The following DPM1 variants were observed in gnomAD, a reference collection of about 807,000 sequenced individuals.
DPM1 encodes the protein dolichol-phosphate mannosyltransferase subunit 1.
Under a neutral mutation model 39.0 loss-of-function variants are expected in DPM1, and 27 were observed. The observed-to-expected ratio is 0.69, with a 90% CI of 0.51 to 0.95. DPM1 has a LOEUF of 0.95. Ranked by LOEUF, DPM1 falls within the 40% of genes least tolerant of loss-of-function variation. DPM1 has a pLI of 0.00. For synonymous variants in DPM1, 124 were observed against 109.0 expected, an observed-to-expected ratio of 1.14 and a Z score of -0.86; for missense variants, 307 against 315.6, an observed-to-expected ratio of 0.97 and a Z score of 0.21.
rs570666437 is a variant in DPM1 at position 50,950,295 on chromosome 20, G to A, written c.262-1633C>T. 2.0e-3 allele frequency among the ~76,000 whole-genome samples: 311 copies of A among 152,236 alleles called. 11 individuals carry two copies. In the South Asian group the frequency reaches 0.062, roughly 31 times the overall value. The stretch of plus-strand genomic sequence containing the variant: ...TTTTAAGTCACAATTTGTATCTATA[G>A]CAAAGTACATCTTGCATAAAGATGG... On this transcript the variant is annotated intron_variant, in intron 2 of 8. Coordinates refer to ENST00000371588, the MANE Select transcript of DPM1 (RefSeq NM_003859.3).
chr20:50,941,593 A>C (rs1398804049), intron 6 of DPM1, among the ~76,000 whole-genome samples: 1 of 151,770 alleles, frequency 6.6e-6, no homozygotes, highest in Non-Finnish European at 1.5e-5. Context: ...CCACAGTCCC[A>C]GCTACTCGGG....
At chr20:50,948,953 T>A (rs562091210) in intron 2 of DPM1, among the ~76,000 whole-genome samples, 1 of 152,110 alleles carries the variant, frequency 6.6e-6, no homozygotes, top group East Asian at 1.9e-4. Flanking sequence ...CTCTGCCTCC[T>A]GGGTTAAAGT....
chr20:50,941,863 C>T (rs1022727365), intron 6 of DPM1, among the ~76,000 whole-genome samples, 168 bp downstream of exon 6: 1 of 152,110 alleles, frequency 6.6e-6, no homozygotes, highest in Admixed American at 6.6e-5. Context: ...TAAAAAACAT[C>T]CAGGCTCTAA....
intron 2 of DPM1, 152 bp from the exon 3 acceptor site, chr20:50,948,814 A>G (rs982342781): frequency 1.3e-6 from 1 of 742,020 alleles, no homozygotes; most frequent in Non-Finnish European, 2.2e-6. Flanking sequence ...TTTTTTGCCA[A>G]AAGAAAAAAA....
intron 1 of DPM1, among the ~76,000 whole-genome samples, chr20:50,957,740 G>A (rs923040791): frequency 1.3e-5 from 2 of 152,166 alleles, no homozygotes; most frequent in African/African-American, 2.4e-5. Flanking sequence ...CGTAAAACAA[G>A]TTACTTCGTA....
chr20:50,940,086 T>TTGTGTGTGTG (rs11469059), intron 7 of DPM1, among the ~76,000 whole-genome samples: 1,598 of 146,592 alleles, frequency 0.011, 32 homozygotes, highest in African/African-American at 0.038. Flanking sequence ...AGGTCCTAAT[T>TTGTGTGTGTG]TGTGTGTGTG....
Position 50,935,076 on chromosome 20 carries a change from A to G in DPM1, c.*56T>C. 1 of 1,014,020 alleles carries G rather than the reference A, an allele frequency of 9.9e-7. No homozygotes were observed. The highest frequency in any genetic ancestry group is 2.4e-5 in the East Asian group (1 of 42,034). 62.8% of individuals were successfully genotyped at this position (1,014,020 alleles called of 1,614,324 possible). A position where few individuals can be genotyped will look rare whatever the true frequency, so the allele number is the denominator to read the frequency against. On this transcript the variant is annotated 3_prime_UTR_variant, in exon 9 of 9. Transcript: ENST00000371588. ...GTACATTTTATACAAATCAGTAACC[A>G]GGCTTCTTTCATGTTTAACCTGAAA...
At chr20:50,951,549 G>A (rs138771332) in intron 2 of DPM1, among the ~76,000 whole-genome samples, 3 of 152,304 alleles carry the variant, frequency 2.0e-5, no homozygotes, top group African/African-American at 7.2e-5. Context: ...AGCACTTTGC[G>A]GGGCTGAGGT....
chr20:50,947,953 T>A (rs573425020), intron 3 of DPM1, among the ~76,000 whole-genome samples: 1 of 152,300 alleles, frequency 6.6e-6, no homozygotes, highest in South Asian at 2.1e-4. Flanking sequence ...TTTTTAAACT[T>A]GTAACTTAAA....
intron 7 of DPM1, 60 bp downstream of exon 7, chr20:50,940,805 T>G (rs1985661158): frequency 7.9e-7 from 1 of 1,272,082 alleles, no homozygotes; most frequent in Non-Finnish European, 1.1e-6. Context: ...CTTTAAAATA[T>G]CCATTGTAAA....
chr20:50,949,788 A>T, intron 2 of DPM1, among the ~76,000 whole-genome samples: 1 of 151,150 alleles, frequency 6.6e-6, no homozygotes. Context: ...CACTATATGC[A>T]ATCTGCTGGA....
chr20:50,935,694 AGT>A (rs1985090726), intron 8 of DPM1, among the ~76,000 whole-genome samples: 1 of 152,152 alleles, frequency 6.6e-6, no homozygotes, highest in Non-Finnish European at 1.5e-5. Context: ...AAATGAGGAG[AGT>A]CTTCCCTACC....
At chr20:50,945,638 A>G in intron 5 of DPM1, 99 bp downstream of exon 5, 1 of 1,118,696 alleles carries the variant, frequency 8.9e-7, no homozygotes. Context: ...AAAAAATAGT[A>G]TGTGTATTTT....
rs541866383 is a variant in DPM1, at chr20:50,953,088, T to C, written c.261+2098A>G. 3.9e-5 allele frequency among the ~76,000 whole-genome samples: 6 copies of C among 152,316 alleles called. No homozygotes were observed. The East Asian group carries it at 9.6e-4, about 24-fold the overall frequency. On this transcript the variant is annotated intron_variant, in intron 2 of 8. Transcript: ENST00000371588. The stretch of plus-strand genomic sequence containing the variant: ...AGCTGGAAGAAAATATGACAAAATA[T>C]AAATGACTTTATCTGATCTCAAGTT...
At chr20:50,947,719 C>A (rs1986369483) in intron 3 of DPM1, among the ~76,000 whole-genome samples, 1 of 148,948 alleles carries the variant, frequency 6.7e-6, no homozygotes, top group Non-Finnish European at 1.5e-5. Flanking sequence ...ACCTCTGCCT[C>A]CTGAGTTCAA....
chr20:50,935,143 CA>C lies in DPM1; in HGVS notation c.771del (p.Phe257LeufsTer36), dbSNP rs1345339856. On this transcript the variant is annotated frameshift_variant, in exon 9 of 9. Transcript: ENST00000371588. LOFTEE classifies it high-confidence loss of function. ...VSFLKGLLTL[F>X]ATT ...TGAGTATCTTTCTTTTATGTAGTAGCAAAAAGAGTCAATAATCCTTTCAAGA... is the reference window on the plus strand; with the variant it reads ...TGAGTATCTTTCTTTTATGTAGTAGCAAAAGAGTCAATAATCCTTTCAAGA... 1 of 1,572,658 alleles carries C rather than the reference CA, an allele frequency of 6.4e-7. No homozygotes were observed. Among genetic ancestry groups the C allele is most frequent in the South Asian group, 1.1e-5 (1 of 89,918 alleles).
At chr20:50,947,089 T>C (rs1410990865) in intron 3 of DPM1, among the ~76,000 whole-genome samples, 3 of 152,142 alleles carry the variant, frequency 2.0e-5, no homozygotes, top group Admixed American at 6.5e-5. Flanking sequence ...ATGCCTACAA[T>C]CCCAGCTACC....
chr20:50,935,275 AC>A, intron 8 of DPM1, 39 bp from the exon 9 acceptor site: 5 of 1,292,210 alleles, frequency 3.9e-6, no homozygotes, highest in Non-Finnish European at 5.6e-6. Context: ...GTCTTTAAAA[AC>A]AATTAGGCAG....
chr20:50,936,325 C>CT, intron 7 of DPM1, 63 bp from the exon 8 acceptor site: 1 of 1,131,778 alleles, frequency 8.8e-7, no homozygotes, highest in Non-Finnish European at 1.3e-6. Flanking sequence ...GTATCCTGAC[C>CT]TTTCAAAGAG....
Sources: gnomAD v4.1 joint callset for allele counts (sites outside exome capture counted in the v4.1 genomes callset) on GRCh38, gnomAD v4.1.1 for gene constraint, MANE v1.5 for transcripts, NCBI Gene and HGNC (gene_info 2026-07-23, HGNC 2026-07-21) for gene names.